The following EML6 variants were observed in gnomAD, a reference collection of about 807,000 sequenced individuals.
EML6 encodes the protein EMAP like 6.
EML6 carries 154 observed loss-of-function variants against 240.1 expected under a neutral mutation model. The ratio of observed to expected loss-of-function variants is 0.64; its 90% CI spans 0.56 to 0.73. EML6 has a LOEUF of 0.73. EML6 is among the 30% of genes least tolerant of loss of function. The pLI is 0.00. For missense variants in EML6, 2,964 were observed against 2,474.6 expected (o/e 1.20, Z -4.20); for synonymous variants, 1,148 against 899.0 (o/e 1.28, Z -4.95).
chr2:54,970,136 A>G lies in EML6; in HGVS notation c.*41A>G. On this transcript the variant is annotated 3_prime_UTR_variant, in exon 42 of 42. Transcript: ENST00000356458. ...TTATGTTATTGCTGCTGCTGCTACC[A>G]GCCAGCAACTGCAGAGGCCATGCTG... The G allele has an allele frequency of 1.3e-6, 2 of 1,548,004 alleles. No individual in the cohort carries two copies. The highest frequency in any genetic ancestry group is 1.7e-6 in the Non-Finnish European group (2 of 1,143,640).
intron 36 of EML6, among the ~76,000 whole-genome samples, chr2:54,963,182 G>C (rs1676601573): frequency 6.6e-6 from 1 of 152,228 alleles, no homozygotes; most frequent in Admixed American, 6.5e-5. Context: ...GCCTTATCCA[G>C]TGTTAAAACA....
intron 2 of EML6, among the ~76,000 whole-genome samples, chr2:54,794,702 G>A (rs1211978138): frequency 6.6e-6 from 1 of 152,106 alleles, no homozygotes; most frequent in Non-Finnish European, 1.5e-5. Context: ...AGTGCACTCA[G>A]GGATTAACTT....
chr2:54,880,789 A>G (rs984639955), intron 17 of EML6: 2 of 152,180 alleles, frequency 1.3e-5, no homozygotes, highest in African/African-American at 4.8e-5. Context: ...TTTAAGTTTA[A>G]TATTTCTGAT....
At chr2:54,957,722 G>A in intron 32 of EML6, 68 bp from the exon 33 acceptor site, 1 of 1,438,842 alleles carries the variant, frequency 7.0e-7, no homozygotes, top group Non-Finnish European at 9.5e-7. Context: ...AGACCTCCTG[G>A]GCTGCGGCTC....
intron 2 of EML6, among the ~76,000 whole-genome samples, chr2:54,747,938 T>C (rs890100153): frequency 2.0e-5 from 3 of 152,204 alleles, no homozygotes; most frequent in African/African-American, 7.2e-5. Context: ...CAGAACTGAG[T>C]CATTATTACT....
At position 54,725,108 on chromosome 2, in the gene EML6, TGTACGG is replaced by T. The variant is rs1329319919; in HGVS notation, c.52_57del (p.Gly18_Tyr19del). On this transcript the variant is annotated inframe_deletion, in exon 2 of 42. Coordinates refer to ENST00000356458, the MANE Select transcript of EML6 (RefSeq NM_001039753.4). This position sits in a 1 kb window ranked among gnomAD's most constrained non-coding sequence, Gnocchi z 4.3. The stretch of plus-strand genomic sequence containing the variant: ...CGCTGCCAGCTCCGGCTGGAGTGGG[TGTACGG>T]GTACCGGGGTCACCAGTGCCGCAAC... 1.3e-6 allele frequency: 2 copies of T among 1,537,734 alleles called. No homozygotes were observed. The highest frequency in any genetic ancestry group is 2.8e-5 in the African/African-American group (2 of 71,084).
At chr2:54,763,107 A>C (rs989886174) in intron 2 of EML6, among the ~76,000 whole-genome samples, 1 of 152,192 alleles carries the variant, frequency 6.6e-6, no homozygotes, top group Non-Finnish European at 1.5e-5. Flanking sequence ...CACAAAACAT[A>C]ATACATTTAT....
At chr2:54,902,640 C>A (rs1423212146) in intron 22 of EML6, among the ~76,000 whole-genome samples, 3 of 152,216 alleles carry the variant, frequency 2.0e-5, no homozygotes, top group Non-Finnish European at 2.9e-5. Context: ...CTCAAGCAAT[C>A]CACCTGCCTT....
chr2:54,741,395 C>T (rs575165865), intron 2 of EML6, among the ~76,000 whole-genome samples: 1 of 152,122 alleles, frequency 6.6e-6, no homozygotes, highest in Non-Finnish European at 1.5e-5. Flanking sequence ...GCCCCAAAAT[C>T]TGCATTTAAA....
At position 54,957,980 on chromosome 2, in the gene EML6, C is replaced by G. The variant is rs1676312213; in HGVS notation, c.4677C>G (p.Leu1559=). Residue 1559 remains leucine (L), a synonymous_variant, in exon 33 of 42, where the codon CTC becomes CTG. Transcript: ENST00000356458. ...SLGAAKMQTM[L]SVAFGANNLT... ...GAGCTGCCAAAATGCAGACGATGCT[C>G]TCCGTGGCCTTCGGTGCTGTGAGTT... is the stretch of plus-strand genomic sequence containing the variant. 4 of 1,550,852 alleles carry G rather than the reference C, an allele frequency of 2.6e-6. No homozygotes were observed. The highest frequency in any genetic ancestry group is 3.5e-6 in the Non-Finnish European group (4 of 1,146,458).
chr2:54,909,626 A>G (rs138549551), intron 24 of EML6, among the ~76,000 whole-genome samples: 1 of 152,228 alleles, frequency 6.6e-6, no homozygotes, highest in East Asian at 1.9e-4. Flanking sequence ...TGGGCAGATC[A>G]CCTGAGGTCA....
At chr2:54,890,655 G>T (rs763100110) in intron 17 of EML6, among the ~76,000 whole-genome samples, 1 of 152,086 alleles carries the variant, frequency 6.6e-6, no homozygotes, top group Non-Finnish European at 1.5e-5. Flanking sequence ...GAAGCTTTTC[G>T]TTAATACTCT....
At chr2:54,763,717 GGTTAA>G (rs1668069000) in intron 2 of EML6, among the ~76,000 whole-genome samples, 2 of 152,136 alleles carry the variant, frequency 1.3e-5, no homozygotes, top group Non-Finnish European at 2.9e-5. Flanking sequence ...TATTCAAAGT[GGTTAA>G]GGTAAAAATT....
intron 24 of EML6, among the ~76,000 whole-genome samples, chr2:54,910,063 T>C (rs1226830731): frequency 4.6e-5 from 7 of 152,112 alleles, no homozygotes; most frequent in Admixed American, 4.6e-4. Context: ...TATTTATAGG[T>C]GAAATATTAT....
chr2:54,829,199 T>C, intron 6 of EML6, 143 bp from the exon 7 acceptor site: 1 of 643,474 alleles, frequency 1.6e-6, no homozygotes, highest in South Asian at 3.1e-5. Flanking sequence ...GGCTACTTGG[T>C]CTATTGTCAG....
Position 54,725,299 on chromosome 2 carries a change from G to T in EML6, c.197+41G>T, listed in dbSNP as rs1682861628. Reference sequence around the variant, plus strand: ...GGGGCGGCGGGGAGGGGTTGCGTGTGGAGGCTGGGAAGGTGGGAAGCGGTT... The same window carrying T: ...GGGGCGGCGGGGAGGGGTTGCGTGTTGAGGCTGGGAAGGTGGGAAGCGGTT... On this transcript the variant is annotated intron_variant, in intron 2 of 41. Coordinates refer to ENST00000356458, the MANE Select transcript of EML6 (RefSeq NM_001039753.4). The surrounding 1 kb of genome is among the most constrained non-coding windows in gnomAD (Gnocchi z 4.3). 1.5e-6 allele frequency: 2 copies of T among 1,371,054 alleles called. No homozygotes were observed. The highest frequency in any genetic ancestry group is 3.0e-5 in the African/African-American group (2 of 66,016). 84.9% of individuals were successfully genotyped at this position (1,371,054 alleles called of 1,614,324 possible). A position where few individuals can be genotyped will look rare whatever the true frequency, so the allele number is the denominator to read the frequency against.
intron 16 of EML6, among the ~76,000 whole-genome samples, chr2:54,878,111 CAT>C (rs146480032): frequency 6.6e-6 from 1 of 152,294 alleles, no homozygotes; most frequent in African/African-American, 2.4e-5. Context: ...ATGTAATATA[CAT>C]ATAAATATTG....
At chr2:54,830,541 A>T (rs1668816968) in intron 7 of EML6, among the ~76,000 whole-genome samples, 1 of 152,182 alleles carries the variant, frequency 6.6e-6, no homozygotes, top group Non-Finnish European at 1.5e-5. Context: ...GTTCCTCATG[A>T]AGCCCCCGCT....
At chr2:54,831,967 T>G (rs952339866) in intron 7 of EML6, among the ~76,000 whole-genome samples, 2 of 152,224 alleles carry the variant, frequency 1.3e-5, no homozygotes, top group Non-Finnish European at 2.9e-5. Flanking sequence ...AAAACTTTGC[T>G]TTAAACTAAT....
Sources: allele counts gnomAD v4.1 joint callset (sites outside exome capture counted in the v4.1 genomes callset), GRCh38; gene constraint gnomAD v4.1.1; non-coding constraint Gnocchi (gnomAD v3.1); transcripts MANE v1.5; gene names NCBI Gene and HGNC (gene_info 2026-07-23, HGNC 2026-07-21).